The following LINGO2 variants were observed in gnomAD, a reference collection of about 807,000 sequenced individuals.
LINGO2 encodes leucine-rich repeat and immunoglobulin-like domain-containing nogo receptor-interacting protein 2.
LINGO2 carries 14 observed loss-of-function variants against 30.6 expected under a neutral mutation model. The ratio of observed to expected loss-of-function variants is 0.46; its 90% CI spans 0.30 to 0.72. LINGO2 has a LOEUF of 0.72. LINGO2 is among the 30% of genes least tolerant of loss of function. The pLI is 0.07. For missense variants in LINGO2, 729 were observed against 751.7 expected, an observed-to-expected ratio of 0.97 and a Z score of 0.35; for synonymous variants, 317 against 288.5, an observed-to-expected ratio of 1.10 and a Z score of -1.00.
intron 4 of LINGO2, among the ~76,000 whole-genome samples, chr9:28,172,315 C>T (rs1422870554): frequency 2.7e-5 from 4 of 148,888 alleles, no homozygotes; most frequent in Admixed American, 2.7e-4. Flanking sequence ...GGCGTGAACC[C>T]GGGAGGCGGA....
intron 2 of LINGO2, among the ~76,000 whole-genome samples, chr9:28,444,690 TGTG>T (rs1043165843): frequency 5.9e-4 from 90 of 152,302 alleles, no homozygotes; most frequent in Middle Eastern, 6.8e-3. Context: ...GGAAGTTTCT[TGTG>T]GTATGTCTGG....
At chr9:28,658,611 G>T (rs1354275074) in intron 1 of LINGO2, among the ~76,000 whole-genome samples, 1 of 151,828 alleles carries the variant, frequency 6.6e-6, no homozygotes, top group Non-Finnish European at 1.5e-5. Flanking sequence ...TTCAATCTAT[G>T]CATGTCCTTA....
At chr9:29,040,189 T>G in the LINGO2 span, among the ~76,000 whole-genome samples, 3 of 152,224 alleles carry the variant, frequency 2.0e-5, no homozygotes, top group African/African-American at 4.8e-5. Flanking sequence ...TATATTATTA[T>G]GCAACTGCAC....
At chr9:28,002,105 T>C (rs988609771) in intron 5 of LINGO2, among the ~76,000 whole-genome samples, 15 of 152,218 alleles carry the variant, frequency 9.9e-5, no homozygotes, top group African/African-American at 3.6e-4. Context: ...TCAATCAGAT[T>C]GAATATTACA....
At chr9:28,911,695 T>C in the LINGO2 span, among the ~76,000 whole-genome samples, 7 of 152,110 alleles carry the variant, frequency 4.6e-5, no homozygotes, top group Non-Finnish European at 8.8e-5. Flanking sequence ...CTCCACAGAA[T>C]GTTGTTCTTC....
intron 1 of LINGO2, among the ~76,000 whole-genome samples, chr9:28,635,216 A>G (rs1184854856): frequency 6.6e-6 from 1 of 152,212 alleles, no homozygotes; most frequent in African/African-American, 2.4e-5. Flanking sequence ...ACTTATAACC[A>G]AAAGAGCCTT....
the LINGO2 span, among the ~76,000 whole-genome samples, chr9:28,901,544 G>A: frequency 6.6e-6 from 1 of 151,658 alleles, no homozygotes; most frequent in Non-Finnish European, 1.5e-5. Context: ...GATGTAAATT[G>A]TTACATCAAA....
chr9:28,985,258 T>C, the LINGO2 span, among the ~76,000 whole-genome samples: 1 of 152,154 alleles, frequency 6.6e-6, no homozygotes. Context: ...AGATTCTTTA[T>C]CTATTCATCT....
intron 2 of LINGO2, among the ~76,000 whole-genome samples, chr9:28,396,524 G>A (rs1339527922): frequency 6.6e-6 from 1 of 151,774 alleles, no homozygotes; most frequent in Non-Finnish European, 1.5e-5. Flanking sequence ...CTAACGTGGT[G>A]AAACCCCGTC....
the LINGO2 span, among the ~76,000 whole-genome samples, chr9:28,962,056 A>AC: frequency 1.3e-5 from 2 of 152,198 alleles, no homozygotes; most frequent in Admixed American, 1.3e-4. Context: ...AAACAAACAA[A>AC]AAAACAGGTC....
At chr9:28,106,769 A>G (rs1826606519) in intron 4 of LINGO2, among the ~76,000 whole-genome samples, 2 of 152,154 alleles carry the variant, frequency 1.3e-5, no homozygotes, top group Non-Finnish European at 2.9e-5. Flanking sequence ...AACTTTGGTT[A>G]CTTTATCTGT....
At chr9:28,633,138 T>C (rs2135891901) in intron 1 of LINGO2, among the ~76,000 whole-genome samples, 1 of 152,000 alleles carries the variant, frequency 6.6e-6, no homozygotes, top group South Asian at 2.1e-4. Flanking sequence ...CTTTTTATTC[T>C]CTGGAAGCTG....
chr9:28,046,639 C>T (rs1365912788), intron 4 of LINGO2, among the ~76,000 whole-genome samples: 1 of 152,082 alleles, frequency 6.6e-6, no homozygotes, highest in Non-Finnish European at 1.5e-5. Flanking sequence ...AATTTCTGTT[C>T]ATTATATTTT....
intron 2 of LINGO2, among the ~76,000 whole-genome samples, chr9:28,447,457 C>G (rs970808558): frequency 6.6e-6 from 1 of 152,164 alleles, no homozygotes; most frequent in South Asian, 2.1e-4. Flanking sequence ...TTGGACTTCC[C>G]AGTTTCTAGA....
At chr9:28,732,727 C>T in the LINGO2 span, among the ~76,000 whole-genome samples, 2 of 152,274 alleles carry the variant, frequency 1.3e-5, no homozygotes, top group South Asian at 2.1e-4. Flanking sequence ...ATGCCCAGTG[C>T]ATTGTAACCA....
chr9:28,827,902 A>G, the LINGO2 span, among the ~76,000 whole-genome samples: 2 of 152,136 alleles, frequency 1.3e-5, no homozygotes, highest in Admixed American at 6.5e-5. Context: ...TCAATGCAGA[A>G]TGGTAGCAGA....
chr9:28,794,561 T>C, the LINGO2 span, among the ~76,000 whole-genome samples: 6 of 152,170 alleles, frequency 3.9e-5, no homozygotes, highest in Non-Finnish European at 5.9e-5. Flanking sequence ...CCTAGGATAG[T>C]TTGATCATTC....
the LINGO2 span, among the ~76,000 whole-genome samples, chr9:28,735,783 T>C: frequency 6.6e-6 from 1 of 151,664 alleles, no homozygotes; most frequent in Admixed American, 6.6e-5. Context: ...AAAAAAAAAA[T>C]ACTTGTCAGA....
At chr9:28,179,964 T>C (rs1828867053) in intron 4 of LINGO2, among the ~76,000 whole-genome samples, 2 of 152,062 alleles carry the variant, frequency 1.3e-5, no homozygotes, top group South Asian at 4.1e-4. Context: ...TTTTCCTCTT[T>C]GAATGTAGAC....
Sources: allele counts gnomAD v4.1 joint callset (sites outside exome capture counted in the v4.1 genomes callset), GRCh38; gene constraint gnomAD v4.1.1; transcripts MANE v1.5; gene names NCBI Gene and HGNC (gene_info 2026-07-23, HGNC 2026-07-21).